ASPSCR1: variants seen among roughly 807,000 people sequenced by gnomAD.
ASPSCR1 encodes tether containing UBX domain for GLUT4.
In ASPSCR1, 55 loss-of-function variants were observed where a neutral mutation model predicts 68.9. The observed-to-expected ratio is 0.80, with a 90% confidence interval of 0.64 to 1.00. ASPSCR1 has a LOEUF of 1.00. ASPSCR1 is among the 50% of genes least tolerant of loss of function. The pLI is 0.00. For synonymous variants in ASPSCR1, 352 were observed against 332.6 expected, an observed-to-expected ratio of 1.06 and a Z score of -0.63; for missense variants, 765 against 762.2, an observed-to-expected ratio of 1.00 and a Z score of -0.04.
intron 3 of ASPSCR1, 21 bp from the exon 4 acceptor site, chr17:81,985,486 C>T (rs769808288): frequency 1.9e-6 from 3 of 1,611,356 alleles, no homozygotes; most frequent in South Asian, 2.2e-5. Flanking sequence ...AAGGAAGTTT[C>T]TCATGTCTTA....
At chr17:81,996,353 G>A in intron 6 of ASPSCR1, 67 bp from the exon 7 acceptor site, 2 of 1,525,888 alleles carry the variant, frequency 1.3e-6, no homozygotes, top group Non-Finnish European at 1.8e-6. Flanking sequence ...GGTGAGCCTG[G>A]GCCGGGAGAG....
chr17:81,998,775 T>C (rs961443037), intron 7 of ASPSCR1, among the ~76,000 whole-genome samples: 17 of 152,260 alleles, frequency 1.1e-4, no homozygotes, highest in African/African-American at 4.1e-4. Context: ...AGCTGGGCAG[T>C]GGCCCCTCTT....
In ASPSCR1 at chr17:81,977,925, C is replaced by A. The variant is rs1487200135; in HGVS notation, c.102+177C>A. Reference sequence around the variant, plus strand: ...GTCACCTGCGCTTCCGCTGGGGTCCCGGGGGTCCCGGGGGTCCCGAGTGGG... The same window carrying A: ...GTCACCTGCGCTTCCGCTGGGGTCCAGGGGGTCCCGGGGGTCCCGAGTGGG... On this transcript the variant is annotated intron_variant, in intron 1 of 15. Transcript: ENST00000306739. The surrounding 1 kb of genome is among the most constrained non-coding windows in gnomAD (Gnocchi z 5.0). 2.8e-6 allele frequency: 1 copy of A among 350,956 alleles called. No homozygotes were observed. The highest frequency in any genetic ancestry group is 4.8e-6 in the Non-Finnish European group (1 of 207,100). 21.7% of individuals were successfully genotyped at this position (350,956 alleles called of 1,614,324 possible).
chr17:81,979,284 C>T (rs773925812), intron 2 of ASPSCR1, 45 bp downstream of exon 2: 1 of 1,584,388 alleles, frequency 6.3e-7, no homozygotes, highest in Non-Finnish European at 8.7e-7. Flanking sequence ...TATATCTGTG[C>T]CCCTGCCCCC....
chr17:82,014,198 C>T (rs186566857), intron 12 of ASPSCR1: 1 of 152,504 alleles, frequency 6.6e-6, no homozygotes, highest in Non-Finnish European at 1.5e-5. Flanking sequence ...GGGCGCCCGC[C>T]CCTAGCCAGT....
At position 81,983,208 on chromosome 17, in the gene ASPSCR1, G is replaced by A. The variant is rs561407605; in HGVS notation, c.159-346G>A. Among the ~76,000 whole-genome samples the A allele has an allele frequency of 6.6e-6, 1 of 152,218 alleles. No individual in the cohort carries two copies. The highest frequency in any genetic ancestry group is 1.5e-5 in the Non-Finnish European group (1 of 68,046). On this transcript the variant is annotated intron_variant, in intron 2 of 15. Transcript: ENST00000306739. This position sits in a 1 kb window ranked among gnomAD's most constrained non-coding sequence, Gnocchi z 4.4. ...GGGTCTGTGACACTCCAGCTTCCGC[G>A]AGTGCAGCAGTGTTCACGCCCCAGT...
rs1401267124 is a variant in ASPSCR1 at position 81,999,692 on chromosome 17, C to G, written c.933+2846C>G. Among the ~76,000 whole-genome samples, 1 of 152,054 alleles carries G rather than the reference C, an allele frequency of 6.6e-6. No individual in the cohort carries two copies. On this transcript the variant is annotated intron_variant, in intron 7 of 15. Coordinates refer to ENST00000306739, the MANE Select transcript of ASPSCR1 (RefSeq NM_024083.4). The surrounding 1 kb of genome is among the most constrained non-coding windows in gnomAD (Gnocchi z 4.4). Reference sequence around the variant, plus strand: ...GGCTCTGTGCACATGGCCCCGGCCTCGGCTGTCCCCTGGGCACTCGTGCTA... The same window carrying G: ...GGCTCTGTGCACATGGCCCCGGCCTGGGCTGTCCCCTGGGCACTCGTGCTA...
At chr17:82,003,503 G>C (rs2042605912) in intron 7 of ASPSCR1, among the ~76,000 whole-genome samples, 1 of 152,226 alleles carries the variant, frequency 6.6e-6, no homozygotes. Context: ...CCAGCCATGT[G>C]GCCACTCGCT....
chr17:81,998,138 T>C (rs2042415958), intron 7 of ASPSCR1, among the ~76,000 whole-genome samples: 1 of 152,162 alleles, frequency 6.6e-6, no homozygotes, highest in Admixed American at 6.5e-5. Flanking sequence ...AATTTATTTT[T>C]ATTTTTATTT....
chr17:81,981,863 A>ACCT (rs570854672), intron 2 of ASPSCR1, among the ~76,000 whole-genome samples: 50 of 152,244 alleles, frequency 3.3e-4, no homozygotes, highest in African/African-American at 1.2e-3. Flanking sequence ...ACGGGGTTTC[A>ACCT]CCATGTGGAC....
At position 81,990,200 on chromosome 17, in the gene ASPSCR1, A is replaced by G. The variant is rs140833927; in HGVS notation, c.374+4593A>G. On this transcript the variant is annotated intron_variant, in intron 4 of 15. Transcript: ENST00000306739. This position sits in a 1 kb window ranked among gnomAD's most constrained non-coding sequence, Gnocchi z 4.1. ...ACTTCCTGGACACGTAGTCAGTAGA[A>G]AAGTGAGCCGTCTCATGCTCTTGTT... Among the ~76,000 whole-genome samples, 2,460 of 152,352 alleles carry G rather than the reference A, an allele frequency of 0.016. 43 individuals are homozygous for G. The highest frequency in any genetic ancestry group is 0.022 in the Non-Finnish European group (1,485 of 68,036).
chr17:81,978,684 G>A (rs1388364600), intron 1 of ASPSCR1: 1 of 166,162 alleles, frequency 6.0e-6, no homozygotes, highest in African/African-American at 2.4e-5. Context: ...TTGGTGCCAG[G>A]CGTGCAGAGT....
In ASPSCR1 at chr17:81,985,559, G is replaced by T. The variant is rs986220755; in HGVS notation, c.326G>T (p.Cys109Phe). 12 of 1,613,966 alleles carry T rather than the reference G, an allele frequency of 7.4e-6. No homozygotes were observed. The African/African-American group carries it at 1.2e-4, about 16-fold the overall frequency. ...DDGSRLQDSFCSGQTLWELLS... is the reference protein window; with the variant it reads ...DDGSRLQDSFFSGQTLWELLS... ...GGCTCGAGGTTGCAGGACTCTTTCTGTTCAGGCCAGACCCTCTGGGAGCTT... is the reference window on the plus strand; with the variant it reads ...GGCTCGAGGTTGCAGGACTCTTTCTTTTCAGGCCAGACCCTCTGGGAGCTT... Residue 109 changes from cysteine (C) to phenylalanine (F), a missense_variant, in exon 4 of 16, where the codon TGT (cysteine) becomes TTT (phenylalanine). Cys to Phe is a radical substitution (Grantham distance 205, BLOSUM62 -2). Coordinates refer to ENST00000306739, the MANE Select transcript of ASPSCR1 (RefSeq NM_024083.4).
At position 81,983,564 on chromosome 17, in the gene ASPSCR1, A is replaced by C. The variant is rs2041866578; in HGVS notation, c.169A>C (p.Ser57Arg). The C allele has an allele frequency of 3.1e-6, 5 of 1,612,050 alleles. No homozygotes were observed. Among genetic ancestry groups the C allele is most frequent in the African/African-American group, 2.7e-5 (2 of 74,658 alleles). Residue 57 changes from serine to arginine, a missense_variant, in exon 3 of 16, where the codon AGC becomes CGC. Coordinates refer to ENST00000306739, the MANE Select transcript of ASPSCR1 (RefSeq NM_024083.4). The surrounding 1 kb of genome is among the most constrained non-coding windows in gnomAD (Gnocchi z 4.4). ...TGGTCTGTCTTGCAGGTTTCAGAGGAGCGTGCTCGACCTTTCTCTCCAGTG... is the reference window on the plus strand; with the variant it reads ...TGGTCTGTCTTGCAGGTTTCAGAGGCGCGTGCTCGACCTTTCTCTCCAGTG... ...PCEYDLKFQRSVLDLSLQWRF... is the reference protein window; with the variant it reads ...PCEYDLKFQRRVLDLSLQWRF...
intron 5 of ASPSCR1, among the ~76,000 whole-genome samples, chr17:81,995,782 G>A (rs952686346): frequency 6.6e-6 from 1 of 152,240 alleles, no homozygotes; most frequent in African/African-American, 2.4e-5. Flanking sequence ...GTCAGGCATG[G>A]GCAGCAGGTC....
At chr17:82,016,204 G>T (rs1175692543) in intron 12 of ASPSCR1, 1 of 512,530 alleles carries the variant, frequency 2.0e-6, no homozygotes, top group African/African-American at 1.9e-5. Context: ...CGGTGATGCT[G>T]CATGGCTTGA....
intron 2 of ASPSCR1, 74 bp downstream of exon 2, chr17:81,979,313 C>T: frequency 1.3e-6 from 2 of 1,523,168 alleles, no homozygotes; most frequent in Non-Finnish European, 9.1e-7. Flanking sequence ...CTGGCTCTCA[C>T]TTGGAAAAGC....
chr17:82,012,209 CGTA>C lies in ASPSCR1; in HGVS notation c.1301-20_1301-18del. On this transcript the variant is annotated intron_variant, in intron 11 of 15. Coordinates refer to ENST00000306739, the MANE Select transcript of ASPSCR1 (RefSeq NM_024083.4). The stretch of plus-strand genomic sequence containing the variant: ...GCGAGGTCCACGGTGCTTCCTAACA[CGTA>C]GGTGCCTTCTCTCCTCAGTCATCAC... The C allele has an allele frequency of 6.2e-7, 1 of 1,612,036 alleles. No individual in the cohort carries two copies.
At chr17:82,009,761 C>T (rs1214724350) in intron 9 of ASPSCR1, among the ~76,000 whole-genome samples, 194 bp downstream of exon 9, 4 of 148,146 alleles carry the variant, frequency 2.7e-5, no homozygotes, top group South Asian at 2.2e-4. Context: ...GACGTGGGGG[C>T]GACTGAGGTA....
Sources: allele counts gnomAD v4.1 joint callset (sites outside exome capture counted in the v4.1 genomes callset), GRCh38; gene constraint gnomAD v4.1.1; non-coding constraint Gnocchi (gnomAD v3.1); transcripts MANE v1.5; gene names NCBI Gene and HGNC (gene_info 2026-07-23, HGNC 2026-07-21).